Variants in KLF12 observed in about 807,000 individuals in gnomAD.
The protein encoded by KLF12 is KLF transcription factor 12.
In KLF12, 9 loss-of-function variants were observed where a neutral mutation model predicts 37.8. That is an observed-to-expected ratio of 0.24 (90% CI 0.14 to 0.42). The LOEUF (loss-of-function observed/expected upper bound fraction) is 0.42. KLF12 is among the 10% of genes least tolerant of loss of function. The pLI is 1.00. For synonymous variants in KLF12, 208 were observed against 202.1 expected, an observed-to-expected ratio of 1.03 and a Z score of -0.25; for missense variants, 411 against 516.0, an observed-to-expected ratio of 0.80 and a Z score of 1.97.
chr13:73,930,983 A>C (rs1010760985), intron 3 of KLF12, among the ~76,000 whole-genome samples: 3 of 149,384 alleles, frequency 2.0e-5, no homozygotes, highest in Non-Finnish European at 4.4e-5. Flanking sequence ...CAGACTCCTG[A>C]GTAGCTAGGA....
chr13:73,746,437 T>C (rs1041871216), intron 6 of KLF12, among the ~76,000 whole-genome samples: 9 of 152,218 alleles, frequency 5.9e-5, no homozygotes, highest in African/African-American at 2.2e-4. Context: ...TCATTCACCA[T>C]AGCTTGAATT....
the KLF12 span, among the ~76,000 whole-genome samples, chr13:74,164,188 G>A: frequency 1.3e-5 from 2 of 152,102 alleles, no homozygotes; most frequent in African/African-American, 4.8e-5. Context: ...ATCACAGACA[G>A]ATCATTTAAC....
At chr13:74,208,703 G>A in the KLF12 span, among the ~76,000 whole-genome samples, 1 of 152,124 alleles carries the variant, frequency 6.6e-6, no homozygotes, top group Non-Finnish European at 1.5e-5. Context: ...AGCCAGGCAT[G>A]GTGGCTTTTG....
chr13:73,965,682 T>G (rs958462784), intron 2 of KLF12, among the ~76,000 whole-genome samples: 1 of 152,184 alleles, frequency 6.6e-6, no homozygotes, highest in African/African-American at 2.4e-5. Flanking sequence ...CTCCAAAACT[T>G]CTGCTCCCCT....
chr13:74,213,247 G>C, the KLF12 span, among the ~76,000 whole-genome samples: 1 of 151,284 alleles, frequency 6.6e-6, no homozygotes, highest in African/African-American at 2.4e-5. Flanking sequence ...TCATGACATT[G>C]ACTTTTTTTA....
At chr13:74,213,209 T>C in the KLF12 span, among the ~76,000 whole-genome samples, 2 of 152,292 alleles carry the variant, frequency 1.3e-5, no homozygotes, top group East Asian at 3.9e-4. Flanking sequence ...TCTTTTTTTT[T>C]CACTTAACAA....
chr13:73,954,198 T>TCGGTCTC (rs1566480405), intron 2 of KLF12, among the ~76,000 whole-genome samples: 1 of 152,004 alleles, frequency 6.6e-6, no homozygotes, highest in African/African-American at 2.4e-5. Context: ...CAGGATGGTC[T>TCGGTCTC]CGGTCTCCTG....
At chr13:74,098,376 T>A (rs571035062) in intron 1 of KLF12, among the ~76,000 whole-genome samples, 1 of 152,216 alleles carries the variant, frequency 6.6e-6, no homozygotes, top group South Asian at 2.1e-4. Flanking sequence ...ATAATGAAGA[T>A]AATTTTAACC....
intron 3 of KLF12, among the ~76,000 whole-genome samples, chr13:73,919,339 T>C (rs1393715595): frequency 1.3e-5 from 2 of 152,146 alleles, no homozygotes; most frequent in Admixed American, 6.5e-5. Flanking sequence ...CTGACTCCTA[T>C]AACAAAACCT....
intron 5 of KLF12, among the ~76,000 whole-genome samples, chr13:73,811,429 T>G (rs1254674064): frequency 6.6e-6 from 1 of 152,182 alleles, no homozygotes; most frequent in African/African-American, 2.4e-5. Flanking sequence ...GTATCTTCAT[T>G]TATAAAATCA....
At chr13:74,267,109 A>T in the KLF12 span, among the ~76,000 whole-genome samples, 1 of 152,204 alleles carries the variant, frequency 6.6e-6, no homozygotes, top group Non-Finnish European at 1.5e-5. Flanking sequence ...TGAATTATGT[A>T]GCAATGGTGA....
chr13:74,239,399 G>GA, the KLF12 span, among the ~76,000 whole-genome samples: 2 of 120,578 alleles, frequency 1.7e-5, no homozygotes, highest in Non-Finnish European at 3.4e-5. Flanking sequence ...GTGTGGTGCT[G>GA]AAAAAAATGT....
At chr13:74,006,277 T>C (rs1176553374) in intron 1 of KLF12, among the ~76,000 whole-genome samples, 2 of 152,224 alleles carry the variant, frequency 1.3e-5, no homozygotes, top group African/African-American at 4.8e-5. Flanking sequence ...CTCTGTTCTC[T>C]CTAACCATTA....
chr13:74,293,157 A>T, the KLF12 span, among the ~76,000 whole-genome samples: 100 of 152,306 alleles, frequency 6.6e-4, no homozygotes, highest in African/African-American at 2.3e-3. Context: ...TACGAATGAG[A>T]TGTTAAGACA....
the KLF12 span, among the ~76,000 whole-genome samples, chr13:74,184,753 A>G: frequency 1.3e-5 from 2 of 152,228 alleles, no homozygotes; most frequent in African/African-American, 4.8e-5. Flanking sequence ...CACAACCCTC[A>G]GTAATACAAT....
intron 2 of KLF12, among the ~76,000 whole-genome samples, chr13:73,987,529 A>G (rs1386179179): frequency 5.3e-5 from 8 of 151,918 alleles, no homozygotes. Flanking sequence ...TAGCTGAAGA[A>G]CCACTATAAT....
the KLF12 span, among the ~76,000 whole-genome samples, chr13:74,146,351 G>A: frequency 1.3e-5 from 2 of 152,106 alleles, no homozygotes; most frequent in Non-Finnish European, 2.9e-5. Flanking sequence ...ATACCTGCTT[G>A]TAAAGAACAT....
At chr13:73,833,226 G>A (rs1236363718) in intron 4 of KLF12, among the ~76,000 whole-genome samples, 1 of 152,088 alleles carries the variant, frequency 6.6e-6, no homozygotes, top group Admixed American at 6.5e-5. Flanking sequence ...GAGAGTAAAA[G>A]AATAAATAAG....
intron 3 of KLF12, among the ~76,000 whole-genome samples, chr13:73,854,903 T>A (rs1885528257): frequency 6.6e-6 from 1 of 152,180 alleles, no homozygotes; most frequent in African/African-American, 2.4e-5. Flanking sequence ...TGTATATACT[T>A]GTCTTCTAAT....
Sources: gnomAD v4.1 joint callset for allele counts (sites outside exome capture counted in the v4.1 genomes callset) on GRCh38, gnomAD v4.1.1 for gene constraint, MANE v1.5 for transcripts, NCBI Gene and HGNC (gene_info 2026-07-23, HGNC 2026-07-21) for gene names.